Variants in SRPK1 observed in about 807,000 individuals in gnomAD.
SRPK1 encodes the protein SRSF protein kinase 1, also known as SFRS protein kinase 1.
In SRPK1, 52 loss-of-function variants were observed where a neutral mutation model predicts 89.5. That is an observed-to-expected ratio of 0.58 (90% CI 0.46 to 0.73). The LOEUF (loss-of-function observed/expected upper bound fraction) is 0.73, where lower values mean the gene tolerates loss of function less well. SRPK1 is among the 30% of genes least tolerant of loss of function. The pLI is 0.00. For missense variants in SRPK1, 603 were observed against 780.6 expected, an observed-to-expected ratio of 0.77 and a Z score of 2.71; for synonymous variants, 255 against 270.2, an observed-to-expected ratio of 0.94 and a Z score of 0.55.
chr6:35,913,818 AAGAG>A (rs946647260), intron 2 of SRPK1, among the ~76,000 whole-genome samples: 2 of 151,508 alleles, frequency 1.3e-5, no homozygotes, highest in Admixed American at 6.6e-5. Context: ...AAAAAAATAA[AAGAG>A]AGAGAAAAAA....
At chr6:35,872,120 G>A (rs930127640) in intron 8 of SRPK1, among the ~76,000 whole-genome samples, 6 of 152,128 alleles carry the variant, frequency 3.9e-5, no homozygotes, top group Non-Finnish European at 7.3e-5. Context: ...CGCAGTTGAG[G>A]GAAAATAAAG....
intron 2 of SRPK1, among the ~76,000 whole-genome samples, chr6:35,914,369 G>A (rs574876565): frequency 6.6e-6 from 1 of 152,064 alleles, no homozygotes; most frequent in Non-Finnish European, 1.5e-5. Flanking sequence ...TTACAACAAG[G>A]TATTTTATAG....
At chr6:35,875,121 A>G (rs1205622952) in intron 6 of SRPK1, among the ~76,000 whole-genome samples, 1 of 152,210 alleles carries the variant, frequency 6.6e-6, no homozygotes, top group African/African-American at 2.4e-5. Flanking sequence ...TCCTTGGAAA[A>G]ATGGCCAAAT....
At chr6:35,868,512 G>A (rs1362301402) in intron 12 of SRPK1, among the ~76,000 whole-genome samples, 1 of 152,180 alleles carries the variant, frequency 6.6e-6, no homozygotes, top group Non-Finnish European at 1.5e-5. Context: ...ACAAAGAGCT[G>A]TCAAAAATAT....
intron 12 of SRPK1, among the ~76,000 whole-genome samples, chr6:35,861,078 A>G (rs1769771950): frequency 6.6e-6 from 1 of 152,216 alleles, no homozygotes; most frequent in Non-Finnish European, 1.5e-5. Context: ...GACTAGACAC[A>G]GGTAGTATGT....
chr6:35,900,252 A>G (rs185083950), intron 2 of SRPK1, among the ~76,000 whole-genome samples: 2 of 152,222 alleles, frequency 1.3e-5, no homozygotes, highest in Admixed American at 1.3e-4. Context: ...TGTAAAATGA[A>G]GGCAGAAATG....
intron 13 of SRPK1, among the ~76,000 whole-genome samples, chr6:35,855,865 G>C (rs1325102284): frequency 6.6e-6 from 1 of 152,164 alleles, no homozygotes; most frequent in Non-Finnish European, 1.5e-5. Context: ...CTCCCAAGTA[G>C]CTGGGATTAT....
intron 2 of SRPK1, among the ~76,000 whole-genome samples, chr6:35,894,049 G>A (rs934119593): frequency 1.3e-5 from 2 of 151,976 alleles, no homozygotes; most frequent in African/African-American, 4.8e-5. Flanking sequence ...AAAAAGCCTT[G>A]CTAGGGACGT....
At chr6:35,914,957 C>T (rs1373728179) in intron 2 of SRPK1, among the ~76,000 whole-genome samples, 1 of 152,158 alleles carries the variant, frequency 6.6e-6, no homozygotes, top group African/African-American at 2.4e-5. Flanking sequence ...TGCCACCACA[C>T]CTGGCTAATT....
chr6:35,856,911 G>T (rs1769677725), intron 13 of SRPK1: 1 of 180,438 alleles, frequency 5.5e-6, no homozygotes. Flanking sequence ...GTTTCCAGGG[G>T]TTTCTTTGGT....
intron 12 of SRPK1, among the ~76,000 whole-genome samples, chr6:35,868,567 T>C (rs538567196): frequency 6.6e-6 from 1 of 152,366 alleles, no homozygotes; most frequent in Non-Finnish European, 1.5e-5. Context: ...AACTGAATTG[T>C]ATTTAAATTT....
rs1346326027 is a variant in SRPK1, at chr6:35,868,488, T to C, written c.1512+522A>G. Among the ~76,000 whole-genome samples, 6 of 152,322 alleles carry C rather than the reference T, an allele frequency of 3.9e-5. No individual in the cohort carries two copies. The East Asian group carries it at 1.2e-3, about 29-fold the overall frequency. The stretch of plus-strand genomic sequence containing the variant: ...AAGAAAAACTATACAAAGATTTGCG[T>C]GCAGAGTCTCATCACAAAGAGCTGT... On this transcript the variant is annotated intron_variant, in intron 12 of 15. Transcript: ENST00000373825.
chr6:35,875,960 T>A (rs1770146996), intron 6 of SRPK1, among the ~76,000 whole-genome samples: 1 of 152,072 alleles, frequency 6.6e-6, no homozygotes. Context: ...TTCGAATGCA[T>A]ATTCTAATGC....
chr6:35,858,414 A>G (rs1203293979), intron 12 of SRPK1, among the ~76,000 whole-genome samples: 1 of 152,198 alleles, frequency 6.6e-6, no homozygotes, highest in African/African-American at 2.4e-5. Flanking sequence ...AATTTTTAGT[A>G]TAAGAGGTGA....
chr6:35,901,203 G>C (rs1317174593), intron 2 of SRPK1, among the ~76,000 whole-genome samples: 1 of 152,156 alleles, frequency 6.6e-6, no homozygotes, highest in African/African-American at 2.4e-5. Flanking sequence ...AGATACGTTG[G>C]AGTGCTATCC....
At chr6:35,889,958 A>G (rs1392844682) in intron 3 of SRPK1, among the ~76,000 whole-genome samples, 7 of 150,716 alleles carry the variant, frequency 4.6e-5, no homozygotes, top group Non-Finnish European at 7.4e-5. Flanking sequence ...AATACAAAAA[A>G]TTAGCCGGGT....
intron 12 of SRPK1, among the ~76,000 whole-genome samples, chr6:35,867,677 C>A (rs1358216315): frequency 6.6e-6 from 1 of 151,924 alleles, no homozygotes; most frequent in African/African-American, 2.4e-5. Context: ...TTAGCCAGGG[C>A]ATGCTGGCGC....
Position 35,885,298 on chromosome 6 carries a change from C to CACACACACAGAGAGAGAGAG in SRPK1, c.478+1425_478+1426insCTCTCTCTCTCTGTGTGTGT, listed in dbSNP as rs1276672274. On this transcript the variant is annotated intron_variant, in intron 6 of 15. Transcript: ENST00000373825. ...ACACACACACACACACACACACACA[C>CACACACACAGAGAGAGAGAG]AGAGAGAGAGAGAGAGAGAGAGAGA... is the stretch of plus-strand genomic sequence containing the variant. Among the ~76,000 whole-genome samples, 223 of 113,140 alleles carry CACACACACAGAGAGAGAGAG rather than the reference C, an allele frequency of 2.0e-3. 1 individual carries two copies. The highest frequency in any genetic ancestry group is 8.0e-3 in the African/African-American group (219 of 27,510). The allele number at this position is 113,140 out of a possible 152,430, so 74.2% of individuals were successfully genotyped here.
intron 13 of SRPK1, among the ~76,000 whole-genome samples, chr6:35,843,558 C>T: frequency 6.6e-6 from 1 of 151,732 alleles, no homozygotes; most frequent in Non-Finnish European, 1.5e-5. Context: ...TCAAGTGATT[C>T]TCCTGCCTCA....
Sources: allele counts gnomAD v4.1 joint callset (sites outside exome capture counted in the v4.1 genomes callset), GRCh38; gene constraint gnomAD v4.1.1; transcripts MANE v1.5; gene names NCBI Gene and HGNC (gene_info 2026-07-23, HGNC 2026-07-21).